Variants in TMEM132D observed in about 807,000 individuals in gnomAD.
TMEM132D encodes transmembrane protein 132D.
In TMEM132D, 21 loss-of-function variants were observed where a neutral mutation model predicts 62.3. The ratio of observed to expected loss-of-function variants is 0.34; its 90% CI spans 0.24 to 0.49. TMEM132D has a LOEUF of 0.49. Among genes scored for constraint, TMEM132D ranks in the 20% least tolerant of loss-of-function variants. TMEM132D has a pLI of 0.99. For missense variants in TMEM132D, 1,346 were observed against 1,402.8 expected (o/e 0.96, Z 0.65); for synonymous variants, 621 against 575.6 (o/e 1.08, Z -1.13).
intron 5 of TMEM132D, among the ~76,000 whole-genome samples, chr12:129,155,404 C>CT (rs1412818500): frequency 1.3e-5 from 2 of 152,152 alleles, no homozygotes; most frequent in Admixed American, 6.5e-5. Context: ...TAGAGAGGTA[C>CT]TTTTTTTGAA....
intron 2 of TMEM132D, among the ~76,000 whole-genome samples, chr12:129,584,352 T>C (rs1261101682): frequency 6.6e-6 from 1 of 152,238 alleles, no homozygotes; most frequent in African/African-American, 2.4e-5. Flanking sequence ...ATACAGATTG[T>C]TCATACTGCT....
At chr12:129,182,990 T>TTC (rs891017008) in intron 5 of TMEM132D, among the ~76,000 whole-genome samples, 2 of 151,480 alleles carry the variant, frequency 1.3e-5, no homozygotes, top group East Asian at 1.9e-4. Flanking sequence ...GGGCTGAGGC[T>TTC]TCTCTCTCTC....
At chr12:129,567,529 C>T (rs2137117212) in intron 2 of TMEM132D, among the ~76,000 whole-genome samples, 1 of 152,272 alleles carries the variant, frequency 6.6e-6, no homozygotes, top group African/African-American at 2.4e-5. Flanking sequence ...AATAGTCTAA[C>T]TATACTTCAA....
At chr12:129,802,095 C>A (rs2137308189) in intron 1 of TMEM132D, among the ~76,000 whole-genome samples, 1 of 150,454 alleles carries the variant, frequency 6.6e-6, no homozygotes, top group African/African-American at 2.4e-5. Flanking sequence ...GAGAATGGAA[C>A]CAAGTTGGAA....
At chr12:129,811,127 T>C (rs945442590) in intron 1 of TMEM132D, among the ~76,000 whole-genome samples, 2 of 151,870 alleles carry the variant, frequency 1.3e-5, no homozygotes, top group Admixed American at 6.6e-5. Flanking sequence ...AAATTTGTCA[T>C]ATCTTTTTAA....
At chr12:129,520,359 C>T (rs890609088) in intron 3 of TMEM132D, among the ~76,000 whole-genome samples, 5 of 152,188 alleles carry the variant, frequency 3.3e-5, no homozygotes, top group Admixed American at 3.3e-4. Context: ...TGTTCTAACA[C>T]AGAAGAAAAA....
At chr12:129,588,569 T>C (rs1015995712) in intron 2 of TMEM132D, among the ~76,000 whole-genome samples, 1 of 151,726 alleles carries the variant, frequency 6.6e-6, no homozygotes, top group Admixed American at 6.6e-5. Flanking sequence ...TATTTTTATT[T>C]ATTTATTTTT....
At chr12:129,107,746 G>A (rs1875546549) in intron 5 of TMEM132D, among the ~76,000 whole-genome samples, 1 of 152,148 alleles carries the variant, frequency 6.6e-6, no homozygotes, top group Non-Finnish European at 1.5e-5. Context: ...AAGTGCAGTG[G>A]CACAATCATA....
At chr12:129,202,819 A>G (rs1453452102) in intron 5 of TMEM132D, among the ~76,000 whole-genome samples, 1 of 152,208 alleles carries the variant, frequency 6.6e-6, no homozygotes, top group African/African-American at 2.4e-5. Context: ...ACCTCCAGGG[A>G]AAACTTGAGT....
chr12:129,624,915 G>C (rs1234403473), intron 2 of TMEM132D, among the ~76,000 whole-genome samples: 2 of 152,152 alleles, frequency 1.3e-5, no homozygotes, highest in Non-Finnish European at 2.9e-5. Flanking sequence ...GGCACAAATG[G>C]GGAGTCCCCT....
chr12:129,664,161 G>C (rs547122236), intron 2 of TMEM132D, among the ~76,000 whole-genome samples: 1 of 152,144 alleles, frequency 6.6e-6, no homozygotes, highest in Non-Finnish European at 1.5e-5. Context: ...ATGTATCAAC[G>C]ACTCACTAGA....
intron 1 of TMEM132D, among the ~76,000 whole-genome samples, chr12:129,837,551 G>T (rs1873045340): frequency 6.6e-6 from 1 of 152,196 alleles, no homozygotes; most frequent in South Asian, 2.1e-4. Flanking sequence ...TCTCCAAATA[G>T]AAGGATTTAT....
At chr12:129,792,262 A>C (rs928512958) in intron 1 of TMEM132D, among the ~76,000 whole-genome samples, 13 of 152,010 alleles carry the variant, frequency 8.6e-5, no homozygotes, top group African/African-American at 2.9e-4. Context: ...AAAAGCCCCC[A>C]CTCTGGAGTT....
chr12:129,148,156 T>C (rs1292238260), intron 5 of TMEM132D, among the ~76,000 whole-genome samples: 2 of 152,136 alleles, frequency 1.3e-5, no homozygotes, highest in East Asian at 3.9e-4. Context: ...AGCACCCCAT[T>C]TTTTTCTCTT....
chr12:129,482,632 A>G (rs549032109), intron 3 of TMEM132D, among the ~76,000 whole-genome samples: 2 of 152,340 alleles, frequency 1.3e-5, no homozygotes, highest in African/African-American at 4.8e-5. Flanking sequence ...AAGAAAATCA[A>G]ATGAAGAAAA....
At chr12:129,574,873 C>A (rs1877615072) in intron 2 of TMEM132D, among the ~76,000 whole-genome samples, 1 of 151,584 alleles carries the variant, frequency 6.6e-6, no homozygotes, top group Non-Finnish European at 1.5e-5. Context: ...AGGAAGCAGC[C>A]AGGTCAAAAT....
chr12:129,371,330 G>A lies in TMEM132D; in HGVS notation c.1116-33513C>T, dbSNP rs760538321. ...TAATGATGATGGTGGTGGTGATAACGATGGTGATGATTATAATGATGGTGA... is the reference window on the plus strand; with the variant it reads ...TAATGATGATGGTGGTGGTGATAACAATGGTGATGATTATAATGATGGTGA... On this transcript the variant is annotated intron_variant, in intron 3 of 8. Coordinates refer to ENST00000422113, the MANE Select transcript of TMEM132D (RefSeq NM_133448.3). This position sits in a 1 kb window ranked among gnomAD's most constrained non-coding sequence, Gnocchi z 4.3. Among the ~76,000 whole-genome samples the A allele has an allele frequency of 6.6e-6, 1 of 151,956 alleles. No individual in the cohort carries two copies. The highest frequency in any genetic ancestry group is 1.5e-5 in the Non-Finnish European group (1 of 67,978).
intron 5 of TMEM132D, among the ~76,000 whole-genome samples, chr12:129,146,782 G>A (rs970023872): frequency 5.9e-5 from 9 of 152,076 alleles, no homozygotes; most frequent in South Asian, 2.1e-4. Context: ...AACAGGTTAC[G>A]GTGACGAGCA....
At chr12:129,793,909 T>G (rs1057167643) in intron 1 of TMEM132D, among the ~76,000 whole-genome samples, 2 of 152,184 alleles carry the variant, frequency 1.3e-5, no homozygotes, top group Non-Finnish European at 1.5e-5. Flanking sequence ...TGTAGACACA[T>G]AGGAACTTAA....
Sources: gnomAD v4.1 joint callset for allele counts (sites outside exome capture counted in the v4.1 genomes callset) on GRCh38, gnomAD v4.1.1 for gene constraint, Gnocchi (gnomAD v3.1) non-coding constraint, MANE v1.5 for transcripts, NCBI Gene and HGNC (gene_info 2026-07-23, HGNC 2026-07-21) for gene names.